Variants in STIM2 observed in about 807,000 individuals in gnomAD.
The protein encoded by STIM2 is stromal interaction molecule 2.
STIM2 carries 31 observed loss-of-function variants against 85.8 expected under a neutral mutation model. The observed-to-expected ratio is 0.36, with a 90% CI of 0.27 to 0.49. The LOEUF is 0.49. STIM2 is among the 20% of genes least tolerant of loss of function. The pLI is 0.98. For synonymous variants in STIM2, 356 were observed against 331.1 expected (o/e 1.08, Z -0.82); for missense variants, 841 against 927.6 (o/e 0.91, Z 1.21).
Position 26,969,618 on chromosome 4 carries a change from T to G in STIM2, c.397+11892T>G, listed in dbSNP as rs115682503. On this transcript the variant is annotated intron_variant, in intron 3 of 11. Transcript: ENST00000467087. ...GATCTGCTTTGTTAGTTGTCTAAAT[T>G]TCTCTCATCTGTTTTTAATGAGCAT... Among the ~76,000 whole-genome samples, 831 of 152,312 alleles carry G rather than the reference T, an allele frequency of 5.5e-3. 8 individuals carry two copies. Among genetic ancestry groups the G allele is most frequent in the African/African-American group, 0.018 (764 of 41,562 alleles).
At chr4:26,960,198 T>C (rs1726394806) in intron 3 of STIM2, among the ~76,000 whole-genome samples, 1 of 152,206 alleles carries the variant, frequency 6.6e-6, no homozygotes, top group South Asian at 2.1e-4. Context: ...AAAATTTCTC[T>C]GGAGAAACGA....
intron 1 of STIM2, among the ~76,000 whole-genome samples, chr4:26,870,297 CAAA>C (rs36094333): frequency 5.9e-5 from 7 of 118,392 alleles, no homozygotes; most frequent in Non-Finnish European, 1.1e-4. Flanking sequence ...CTTAACACAC[CAAA>C]AAAAAAAAAA....
intron 2 of STIM2, among the ~76,000 whole-genome samples, chr4:26,946,902 TA>T (rs1337640915): frequency 2.0e-5 from 3 of 152,328 alleles, no homozygotes; most frequent in African/African-American, 7.2e-5. Context: ...ATACTAGACC[TA>T]AGATATGGGG....
rs117331724 is a variant in STIM2 at position 26,873,303 on chromosome 4, A to C, written c.151+11934A>C. ...AATCCCAGCTACTTGGGAGGCAGGA[A>C]AAACTCACTTGAACCCTGGAGGTGG... On this transcript the variant is annotated intron_variant, in intron 1 of 11. Transcript: ENST00000467087. Among the ~76,000 whole-genome samples, 26 of 151,854 alleles carry C rather than the reference A, an allele frequency of 1.7e-4. No individual in the cohort carries two copies. The East Asian group carries it at 4.8e-3, about 28-fold the overall frequency.
intron 1 of STIM2, among the ~76,000 whole-genome samples, chr4:26,871,852 C>G (rs1722630058): frequency 6.6e-6 from 1 of 152,026 alleles, no homozygotes; most frequent in African/African-American, 2.4e-5. Flanking sequence ...CCTGTTTCCA[C>G]TTTTGTATAG....
intron 1 of STIM2, among the ~76,000 whole-genome samples, chr4:26,900,750 C>A (rs1206517192): frequency 1.3e-5 from 2 of 152,050 alleles, no homozygotes; most frequent in Non-Finnish European, 2.9e-5. Context: ...TCTTTAAATT[C>A]TTGAAGTCGA....
intron 4 of STIM2, among the ~76,000 whole-genome samples, chr4:26,996,771 AATTT>A (rs936430106): frequency 6.6e-5 from 10 of 152,130 alleles, no homozygotes; most frequent in African/African-American, 2.2e-4. Flanking sequence ...ATGAGATTAG[AATTT>A]ATTTATTTAT....
intron 1 of STIM2, among the ~76,000 whole-genome samples, chr4:26,901,628 A>AT (rs1214520838): frequency 2.6e-5 from 4 of 152,162 alleles, no homozygotes; most frequent in African/African-American, 9.7e-5. Context: ...TTCTAGAACT[A>AT]TTTATTATTC....
intron 3 of STIM2, among the ~76,000 whole-genome samples, chr4:26,975,867 T>C (rs1390551834): frequency 1.3e-5 from 2 of 152,188 alleles, no homozygotes; most frequent in Non-Finnish European, 1.5e-5. Context: ...AGGTGGAGTC[T>C]AGAGGCAGTA....
chr4:27,010,161 T>A (rs972133719), intron 10 of STIM2, among the ~76,000 whole-genome samples: 12 of 152,166 alleles, frequency 7.9e-5, no homozygotes, highest in African/African-American at 2.9e-4. Context: ...TTTAGAAATG[T>A]TGTGATCAGG....
chr4:26,903,160 C>G (rs1024370445), intron 1 of STIM2, among the ~76,000 whole-genome samples: 1 of 152,076 alleles, frequency 6.6e-6, no homozygotes, highest in African/African-American at 2.4e-5. Context: ...TTAACACAGC[C>G]TTAGTTTAGA....
At chr4:26,988,901 T>C (rs920997388) in intron 3 of STIM2, among the ~76,000 whole-genome samples, 5 of 152,224 alleles carry the variant, frequency 3.3e-5, no homozygotes, top group African/African-American at 1.2e-4. Context: ...AACTCTTGTT[T>C]ATTATAATGG....
rs150975796 is a variant in STIM2 at position 27,017,830 on chromosome 4, C to T, written c.1609C>T (p.His537Tyr). The T allele has an allele frequency of 2.9e-3, 4,722 of 1,614,186 alleles. 6 individuals carry two copies. The highest frequency in any genetic ancestry group is 3.6e-3 in the Non-Finnish European group (4,236 of 1,180,020). ...AGCTCAGCTTGCTCCACACGCCCCC[C>T]ACCCGTCACACCCTCGGCACCCTCA... is the stretch of plus-strand genomic sequence containing the variant. Residue 537 changes from histidine (H) to tyrosine (Y), a missense_variant, in exon 11 of 12, where the codon CAC becomes TAC. This residue lies in a region of STIM2 where 293 missense variants were observed against 284.5 expected (regional missense o/e 1.03). Coordinates refer to ENST00000467087, the MANE Select transcript of STIM2 (RefSeq NM_020860.4).
chr4:26,999,780 G>T (rs964384981), intron 5 of STIM2, among the ~76,000 whole-genome samples: 2 of 152,214 alleles, frequency 1.3e-5, no homozygotes, highest in African/African-American at 4.8e-5. Context: ...AGGTATAGAT[G>T]GAAAGCAAAG....
chr4:26,991,625 A>T (rs1417991801), intron 3 of STIM2, among the ~76,000 whole-genome samples: 12 of 152,266 alleles, frequency 7.9e-5, no homozygotes. Context: ...TGGATATCTC[A>T]GTTACCCTGA....
chr4:27,019,331 C>T, intron 11 of STIM2: 1 of 788,354 alleles, frequency 1.3e-6, no homozygotes, highest in Non-Finnish European at 1.9e-6. Context: ...ATCTTCATTG[C>T]AGTTGGAGAA....
rs1276521619 is a variant in STIM2 at position 27,025,366 on chromosome 4, A to T, written c.*2370A>T. 1 of 147,252 alleles carries T rather than the reference A, an allele frequency of 6.8e-6. No individual in the cohort carries two copies. Among genetic ancestry groups the T allele is most frequent in the African/African-American group, 2.5e-5 (1 of 40,652 alleles). 9.1% of individuals were successfully genotyped at this position (147,252 alleles called of 1,614,324 possible). On this transcript the variant is annotated 3_prime_UTR_variant, in exon 12 of 12. Transcript: ENST00000467087. ...TGGTGTTTTCCTGATTTTAAAAGCA[A>T]TATTTTCCTTACTGTAAAAAAAAAA...
intron 2 of STIM2, among the ~76,000 whole-genome samples, chr4:26,950,540 C>T (rs991230890): frequency 1.3e-5 from 2 of 152,092 alleles, no homozygotes; most frequent in African/African-American, 4.8e-5. Flanking sequence ...TAAAAAGGGC[C>T]TGTGGGAGTG....
At chr4:27,015,979 C>G (rs550252329) in intron 10 of STIM2, among the ~76,000 whole-genome samples, 7 of 151,888 alleles carry the variant, frequency 4.6e-5, no homozygotes, top group African/African-American at 1.4e-4. Context: ...TGCATCTTAT[C>G]TTCCACATTT....
Sources: gnomAD v4.1 joint callset for allele counts (sites outside exome capture counted in the v4.1 genomes callset) on GRCh38, gnomAD v4.1.1 for gene constraint, gnomAD v4.1.1 regional missense constraint, MANE v1.5 for transcripts, NCBI Gene and HGNC (gene_info 2026-07-23, HGNC 2026-07-21) for gene names.